Variants in CPM observed in about 807,000 individuals in gnomAD.
The protein encoded by CPM is carboxypeptidase M, also known as renal carboxypeptidase.
CPM carries 35 observed loss-of-function variants against 46.4 expected under a neutral mutation model. That is an observed-to-expected ratio of 0.75 (90% confidence interval 0.58 to 1.00). The LOEUF is 1.00. Among genes scored for constraint, CPM ranks in the 50% least tolerant of loss-of-function variants. The probability of loss-of-function intolerance (pLI) is 0.00; values close to 1 mark genes in which losing one functional copy is unlikely to be tolerated. For synonymous variants in CPM, 195 were observed against 195.3 expected, an observed-to-expected ratio of 1.00 and a Z score of 0.01; for missense variants, 422 against 530.4, an observed-to-expected ratio of 0.80 and a Z score of 2.01.
chr12:68,950,086 C>G (rs2136334790), intron 1 of CPM, among the ~76,000 whole-genome samples: 1 of 152,240 alleles, frequency 6.6e-6, no homozygotes, highest in South Asian at 2.1e-4. Flanking sequence ...AGGGGGCAGA[C>G]AGCTACACCT....
chr12:68,916,419 C>A (rs1342905248), intron 2 of CPM, among the ~76,000 whole-genome samples: 1 of 152,166 alleles, frequency 6.6e-6, no homozygotes, highest in African/African-American at 2.4e-5. Context: ...TTTAAATGAA[C>A]AATTCCATTC....
intron 1 of CPM, among the ~76,000 whole-genome samples, chr12:68,962,116 C>T (rs751412488): frequency 6.6e-6 from 1 of 150,818 alleles, no homozygotes; most frequent in Non-Finnish European, 1.5e-5. Context: ...AGGAGAATGG[C>T]GTGAACCTGG....
At position 68,855,682 on chromosome 12, in the gene CPM, A is replaced by G. The variant is rs941573253; in HGVS notation, c.*755T>C. The G allele has an allele frequency of 1.3e-5, 2 of 151,158 alleles. No individual in the cohort carries two copies. Among genetic ancestry groups the G allele is most frequent in the African/African-American group, 4.9e-5 (2 of 41,122 alleles). The allele number at this position is 151,158 out of a possible 1,614,324, so 9.4% of individuals were successfully genotyped here. On this transcript the variant is annotated 3_prime_UTR_variant, in exon 9 of 9. Transcript: ENST00000551568. Reference sequence around the variant, plus strand: ...CTTCTGAGAACTAATTATATATGGCACTTAATATCTATTCACATGTAGCAC... The same window carrying G: ...CTTCTGAGAACTAATTATATATGGCGCTTAATATCTATTCACATGTAGCAC...
At chr12:68,933,295 G>A (rs1420087503), upstream of CPM, 1 of 151,782 alleles carries the variant, frequency 6.6e-6, no homozygotes, top group African/African-American at 2.4e-5. Flanking sequence ...CGGGGCCTCA[G>A]CCGCCTTCGC....
At chr12:68,914,650 C>T (rs1887733905) in intron 2 of CPM, among the ~76,000 whole-genome samples, 1 of 152,156 alleles carries the variant, frequency 6.6e-6, no homozygotes, top group Non-Finnish European at 1.5e-5. Context: ...TAATGTTTGT[C>T]AGTTTCTGTA....
chr12:68,879,064 T>C (rs1886078693), intron 3 of CPM, among the ~76,000 whole-genome samples: 1 of 152,182 alleles, frequency 6.6e-6, no homozygotes, highest in African/African-American at 2.4e-5. Context: ...GGCACACACC[T>C]CTAGACCTAG....
In CPM at chr12:68,870,382, T is replaced by C. The variant is rs1426265636; in HGVS notation, c.449A>G (p.Tyr150Cys). Residue 150 changes from tyrosine to cysteine, a missense_variant, in exon 5 of 9, where the codon TAT (tyrosine) becomes TGT (cysteine). Transcript: ENST00000551568. ...YSIGRENYNQYDLNRNFPDAF... is the reference protein window; with the variant it reads ...YSIGRENYNQCDLNRNFPDAF... ...ATCGGGGAAATTTCGATTCAAGTCA[T>C]ACTGGTTATAATTTTCCCTTTAAAA... The C allele has an allele frequency of 5.0e-6, 8 of 1,613,890 alleles. No homozygotes were observed. The highest frequency in any genetic ancestry group is 6.8e-6 in the Non-Finnish European group (8 of 1,179,912).
intron 3 of CPM, among the ~76,000 whole-genome samples, chr12:68,884,712 T>C (rs1402586395): frequency 6.6e-6 from 1 of 152,210 alleles, no homozygotes; most frequent in Non-Finnish European, 1.5e-5. Flanking sequence ...GACTCTTTGA[T>C]CGCTCAGTTT....
intron 2 of CPM, among the ~76,000 whole-genome samples, chr12:68,921,475 G>C (rs995238679): frequency 1.3e-5 from 2 of 152,182 alleles, no homozygotes; most frequent in Admixed American, 6.5e-5. Flanking sequence ...GGGTGAGTGT[G>C]ATGGTGGTGA....
intron 3 of CPM, among the ~76,000 whole-genome samples, chr12:68,872,305 T>G (rs1885740297): frequency 7.3e-6 from 1 of 137,204 alleles, no homozygotes; most frequent in East Asian, 2.1e-4. Flanking sequence ...CAGGCTGGAG[T>G]GCATTGGCGC....
chr12:68,935,255 T>C (rs998895165), upstream of CPM, among the ~76,000 whole-genome samples: 13 of 132,842 alleles, frequency 9.8e-5, no homozygotes, highest in South Asian at 1.4e-3. Flanking sequence ...TGTTTGTTTG[T>C]TTGTTTGTTT....
chr12:68,842,213 A>C, exon 6 of CPM: 1 of 499,774 alleles, frequency 2.0e-6, no homozygotes, highest in South Asian at 1.5e-5. Flanking sequence ...AGATCAAACA[A>C]ATGCCAAGCT....
intron 2 of CPM, among the ~76,000 whole-genome samples, chr12:68,909,277 C>T (rs1887479904): frequency 6.6e-6 from 1 of 152,162 alleles, no homozygotes; most frequent in South Asian, 2.1e-4. Context: ...GAACTCCTGG[C>T]CCTGGCCTCA....
At chr12:68,948,783 A>G (rs189545297) in intron 1 of CPM, among the ~76,000 whole-genome samples, 3 of 152,312 alleles carry the variant, frequency 2.0e-5, no homozygotes, top group Non-Finnish European at 4.4e-5. Context: ...AAGTCTTGCT[A>G]GACTCCTGCA....
intron 1 of CPM, among the ~76,000 whole-genome samples, chr12:68,948,127 A>G (rs1888877060): frequency 6.6e-6 from 1 of 152,208 alleles, no homozygotes; most frequent in Admixed American, 6.5e-5. Flanking sequence ...TCTAGAGTCA[A>G]CAGAAACACT....
chr12:68,915,854 T>A (rs1191670147), intron 2 of CPM, among the ~76,000 whole-genome samples: 3 of 152,350 alleles, frequency 2.0e-5, no homozygotes, highest in East Asian at 3.9e-4. Context: ...ATCAATTTCT[T>A]CATCTGTAAA....
chr12:68,870,512 G>A, intron 4 of CPM, 113 bp from the exon 5 acceptor site: 1 of 900,230 alleles, frequency 1.1e-6, no homozygotes, highest in Non-Finnish European at 1.7e-6. Flanking sequence ...GTGAGTATGG[G>A]TGTGGTGGAT....
downstream of CPM, among the ~76,000 whole-genome samples, chr12:68,850,901 C>T (rs573693875): frequency 6.6e-6 from 1 of 152,192 alleles, no homozygotes; most frequent in Admixed American, 6.5e-5. Flanking sequence ...GGCATACTTT[C>T]CATCCATCAT....
chr12:68,869,935 G>C (rs1885617567), intron 5 of CPM, among the ~76,000 whole-genome samples: 1 of 152,016 alleles, frequency 6.6e-6, no homozygotes, highest in South Asian at 2.1e-4. Context: ...GTTGTCTCTT[G>C]TCAGAGAATC....
Sources: gnomAD v4.1 joint callset for allele counts (sites outside exome capture counted in the v4.1 genomes callset) on GRCh38, gnomAD v4.1.1 for gene constraint, MANE v1.5 for transcripts, NCBI Gene and HGNC (gene_info 2026-07-23, HGNC 2026-07-21) for gene names.